The following BRAF variants were observed in gnomAD, a reference collection of about 807,000 sequenced individuals.
The protein encoded by BRAF is serine/threonine-protein kinase B-raf.
BRAF carries 16 observed loss-of-function variants against 104.6 expected under a neutral mutation model. That is an observed-to-expected ratio of 0.15 (90% confidence interval 0.10 to 0.23). The LOEUF is 0.23. Ranked by LOEUF, BRAF falls within the 10% of genes least tolerant of loss-of-function variation. The pLI, the probability that BRAF is intolerant of heterozygous loss-of-function variation, is 1.00. For missense variants in BRAF, 541 were observed against 937.3 expected (o/e 0.58, Z 5.52); for synonymous variants, 310 against 341.6 (o/e 0.91, Z 1.02).
At chr7:140,761,633 A>T (rs1447816360) in intron 14 of BRAF, among the ~76,000 whole-genome samples, 51 of 152,172 alleles carry the variant, frequency 3.4e-4, no homozygotes, top group African/African-American at 1.1e-3. Flanking sequence ...TGTGCTGCAT[A>T]CAGGAAACCC....
At position 140,726,521 on chromosome 7, in the gene BRAF, AGAGG is replaced by A; in HGVS notation, c.2402-9_2402-6del. ...ACTTGAAGGCTGCAAATTCTCCTGT[AGAGG>A]GAGGACAAGAGCTAATTTTAAAAAA... On this transcript the variant is annotated splice_polypyrimidine_tract_variant and splice_region_variant and intron_variant, in intron 19 of 19. Transcript: ENST00000644969. 1 of 1,535,148 alleles carries A rather than the reference AGAGG, an allele frequency of 6.5e-7. No individual in the cohort carries two copies. The highest frequency in any genetic ancestry group is 8.7e-7 in the Non-Finnish European group (1 of 1,145,768).
At chr7:140,908,143 T>C (rs947721120) in intron 1 of BRAF, among the ~76,000 whole-genome samples, 9 of 152,220 alleles carry the variant, frequency 5.9e-5, no homozygotes, top group Non-Finnish European at 1.2e-4. Context: ...TTGCAACATT[T>C]GAAGATTTTA....
At chr7:140,897,483 T>C (rs1018225962) in intron 1 of BRAF, among the ~76,000 whole-genome samples, 1 of 147,064 alleles carries the variant, frequency 6.8e-6, no homozygotes, top group Non-Finnish European at 1.5e-5. Context: ...ATAGGAAAGA[T>C]TTCTTTTTTC....
intron 1 of BRAF, among the ~76,000 whole-genome samples, chr7:140,853,343 A>G (rs1809405736): frequency 6.6e-6 from 1 of 152,098 alleles, no homozygotes; most frequent in Non-Finnish European, 1.5e-5. Flanking sequence ...CGCCACCCCA[A>G]CCTAGGCAAC....
intron 2 of BRAF, among the ~76,000 whole-genome samples, chr7:140,840,280 G>GTCTCT (rs1316358277): frequency 1.3e-5 from 2 of 152,084 alleles, no homozygotes; most frequent in African/African-American, 2.4e-5. Context: ...CTTTGATTAG[G>GTCTCT]CAATGGTCTC....
At chr7:140,817,328 G>A (rs1002903853) in intron 3 of BRAF, among the ~76,000 whole-genome samples, 13 of 151,990 alleles carry the variant, frequency 8.6e-5, no homozygotes, top group African/African-American at 9.7e-5. Flanking sequence ...TGGAAAGACC[G>A]GCCATGTTCA....
intron 1 of BRAF, among the ~76,000 whole-genome samples, chr7:140,880,607 G>GC (rs1417587493): frequency 2.0e-5 from 3 of 152,056 alleles, no homozygotes; most frequent in East Asian, 3.9e-4. Context: ...TCCATCATAG[G>GC]AATATCTATG....
At chr7:140,869,333 T>TA (rs746020627) in intron 1 of BRAF, among the ~76,000 whole-genome samples, 7 of 152,122 alleles carry the variant, frequency 4.6e-5, no homozygotes, top group Non-Finnish European at 1.0e-4. Context: ...GATGACATCT[T>TA]AAAAATCACT....
intron 1 of BRAF, among the ~76,000 whole-genome samples, chr7:140,915,977 A>AAAAC (rs202074977): frequency 5.3e-5 from 8 of 150,460 alleles, no homozygotes; most frequent in Admixed American, 1.3e-4. Flanking sequence ...CATCTCTACC[A>AAAAC]AAACAAACAA....
intron 15 of BRAF, 173 bp from the exon 15 acceptor site, chr7:140,753,566 T>G: frequency 1.9e-6 from 1 of 526,142 alleles, no homozygotes; most frequent in East Asian, 3.6e-5. Context: ...AAACAATGAT[T>G]AGTTCTATTT....
At chr7:140,905,284 TTTTG>T (rs1293649642) in intron 1 of BRAF, among the ~76,000 whole-genome samples, 1 of 152,240 alleles carries the variant, frequency 6.6e-6, no homozygotes, top group Non-Finnish European at 1.5e-5. Context: ...TTTCTTGTAG[TTTTG>T]TTTAACTTTT....
intron 1 of BRAF, among the ~76,000 whole-genome samples, chr7:140,900,670 G>GCA (rs1815509078): frequency 6.6e-6 from 1 of 152,116 alleles, no homozygotes; most frequent in African/African-American, 2.4e-5. Flanking sequence ...GAATGCAATG[G>GCA]CACAATCTCA....
chr7:140,796,103 C>A (rs1199520736), intron 7 of BRAF, among the ~76,000 whole-genome samples: 1 of 152,130 alleles, frequency 6.6e-6, no homozygotes, highest in Non-Finnish European at 1.5e-5. Flanking sequence ...GTAATCCCAG[C>A]ACTTTTGGAG....
At chr7:140,869,502 G>A (rs1346901244) in intron 1 of BRAF, among the ~76,000 whole-genome samples, 1 of 151,984 alleles carries the variant, frequency 6.6e-6, no homozygotes, top group East Asian at 1.9e-4. Context: ...GCATGGTGGC[G>A]GACACCCGTA....
chr7:140,796,718 G>C (rs942439947), intron 7 of BRAF, among the ~76,000 whole-genome samples: 6 of 152,126 alleles, frequency 3.9e-5, no homozygotes, highest in African/African-American at 1.4e-4. Flanking sequence ...CTAGCTTTCA[G>C]GGCAAGTACA....
chr7:140,793,035 T>C (rs1802140108), intron 8 of BRAF, among the ~76,000 whole-genome samples: 1 of 152,110 alleles, frequency 6.6e-6, no homozygotes, highest in African/African-American at 2.4e-5. Context: ...TGAAAAAATA[T>C]GGGCCCAAAT....
chr7:140,783,406 T>C (rs1801068884), intron 10 of BRAF: 1 of 376,516 alleles, frequency 2.7e-6, no homozygotes, highest in Admixed American at 4.3e-5. Context: ...ATACTTTATT[T>C]ACTGGTGCAA....
rs1795396573 is a variant in BRAF, at chr7:140,723,079, G to T, written c.*3415C>A. 4.8e-6 allele frequency: 5 copies of T among 1,050,702 alleles called. No individual in the cohort carries two copies. The South Asian group carries it at 2.3e-4, about 48-fold the overall frequency. The allele number at this position is 1,050,702 out of a possible 1,614,324, so 65.1% of individuals were successfully genotyped here. On this transcript the variant is annotated 3_prime_UTR_variant, in exon 20 of 20. Coordinates refer to ENST00000644969, the MANE Select transcript of BRAF (RefSeq NM_001374258.1). The stretch of plus-strand genomic sequence containing the variant: ...CTATTCATTACCTCATTCTGAAGAG[G>T]TAGTTTTTTGTAGAGGTCACCTGAA...
chr7:140,824,979 T>C (rs189151715), intron 3 of BRAF, among the ~76,000 whole-genome samples: 5 of 151,298 alleles, frequency 3.3e-5, no homozygotes, highest in African/African-American at 4.8e-5. Flanking sequence ...TTTTCTTTTT[T>C]TTTTTTTTTG....
Sources: allele counts gnomAD v4.1 joint callset (sites outside exome capture counted in the v4.1 genomes callset), GRCh38; gene constraint gnomAD v4.1.1; transcripts MANE v1.5; gene names NCBI Gene and HGNC (gene_info 2026-07-23, HGNC 2026-07-21).